The following NDC1 variants were observed in gnomAD, a reference collection of about 807,000 sequenced individuals.
The protein encoded by NDC1 is nucleoporin NDC1.
Under a neutral mutation model 89.8 loss-of-function variants are expected in NDC1, and 24 were observed. The ratio of observed to expected loss-of-function variants is 0.27; its 90% confidence interval spans 0.19 to 0.38. The LOEUF (loss-of-function observed/expected upper bound fraction) is 0.38. NDC1 is among the 10% of genes least tolerant of loss of function. NDC1 has a pLI of 1.00. For synonymous variants in NDC1, 296 were observed against 284.8 expected (o/e 1.04, Z -0.39); for missense variants, 728 against 797.6 (o/e 0.91, Z 1.05).
chr1:53,835,475 T>A, intron 2 of NDC1, 25 bp downstream of exon 2: 1 of 1,585,868 alleles, frequency 6.3e-7, no homozygotes, highest in Non-Finnish European at 8.5e-7. Context: ...CCTATAACTT[T>A]CTCCCCAAGT....
At chr1:53,795,458 C>T (rs930387455) in intron 13 of NDC1, among the ~76,000 whole-genome samples, 2 of 152,100 alleles carry the variant, frequency 1.3e-5, no homozygotes, top group African/African-American at 4.8e-5. Context: ...TGTCCAAAAT[C>T]AAACTCCTGA....
At position 53,807,706 on chromosome 1, in the gene NDC1, G is replaced by C. The variant is rs766036287; in HGVS notation, c.841C>G (p.Leu281Val). Residue 281 changes from leucine to valine, a missense_variant, in exon 8 of 18, where the codon CTG (leucine) becomes GTG (valine). Transcript: ENST00000371429. Reference sequence around the variant, plus strand: ...ATCCATGAGACATACCAAGTCGTCAGGAGAAAGACACCACACAGCCAGACA... The same window carrying C: ...ATCCATGAGACATACCAAGTCGTCACGAGAAAGACACCACACAGCCAGACA... Reference protein sequence around the residue: ...YHVWLCGVFLLTTWYVSWILF... With the variant: ...YHVWLCGVFLVTTWYVSWILF... The C allele has an allele frequency of 6.2e-7, 1 of 1,613,772 alleles. No individual in the cohort carries two copies. Among genetic ancestry groups the C allele is most frequent in the Non-Finnish European group, 8.5e-7 (1 of 1,179,710 alleles).
chr1:53,786,534 C>T (rs1647313993), intron 16 of NDC1, among the ~76,000 whole-genome samples: 1 of 152,176 alleles, frequency 6.6e-6, no homozygotes, highest in South Asian at 2.1e-4. Flanking sequence ...TTGGTAGCTA[C>T]AAATTGTGTA....
chr1:53,801,535 G>A (rs914166291), intron 10 of NDC1, among the ~76,000 whole-genome samples: 24 of 152,194 alleles, frequency 1.6e-4, no homozygotes, highest in African/African-American at 5.1e-4. Context: ...TCCATTATGC[G>A]TTAATAGCAG....
chr1:53,819,921 A>G (rs1648607869), intron 5 of NDC1, among the ~76,000 whole-genome samples: 1 of 152,082 alleles, frequency 6.6e-6, no homozygotes. Flanking sequence ...GACACATAAA[A>G]TACTAATGAT....
intron 6 of NDC1, among the ~76,000 whole-genome samples, chr1:53,810,634 A>G (rs984319574): frequency 3.3e-5 from 5 of 152,188 alleles, no homozygotes; most frequent in Non-Finnish European, 5.9e-5. Context: ...GCTGAGCGTG[A>G]TGGCTCATGC....
At chr1:53,837,685 TC>T (rs1649281982) in intron 1 of NDC1, among the ~76,000 whole-genome samples, 1 of 152,206 alleles carries the variant, frequency 6.6e-6, no homozygotes, top group Non-Finnish European at 1.5e-5. Flanking sequence ...TTCTCCTCTT[TC>T]TCTTTGCACT....
At chr1:53,807,240 C>T (rs1185159676) in intron 8 of NDC1, among the ~76,000 whole-genome samples, 1 of 108,778 alleles carries the variant, frequency 9.2e-6, no homozygotes, top group Admixed American at 9.6e-5. Context: ...GAGCGAGACC[C>T]TATCTCAAAA....
intron 4 of NDC1, 25 bp from the exon 5 acceptor site, chr1:53,825,961 AATT>A (rs1384889881): frequency 4.4e-6 from 7 of 1,608,428 alleles, no homozygotes; most frequent in Non-Finnish European, 5.9e-6. Flanking sequence ...TTAAGTTATT[AATT>A]CAACAGTCAG....
intron 15 of NDC1, among the ~76,000 whole-genome samples, chr1:53,788,552 C>T (rs1314405017): frequency 9.2e-5 from 14 of 152,130 alleles, no homozygotes; most frequent in East Asian, 5.8e-4. Flanking sequence ...CTCAGCCTCC[C>T]GAGTAGCTGG....
At chr1:53,821,510 T>C (rs999418989) in intron 5 of NDC1, among the ~76,000 whole-genome samples, 7 of 152,222 alleles carry the variant, frequency 4.6e-5, no homozygotes, top group Admixed American at 2.0e-4. Context: ...GCTTCAATTA[T>C]ATTGGTCTGT....
chr1:53,773,638 A>G (rs1647137567), intron 16 of NDC1, among the ~76,000 whole-genome samples: 1 of 152,174 alleles, frequency 6.6e-6, no homozygotes, highest in Non-Finnish European at 1.5e-5. Context: ...GGTCATCTGC[A>G]GGGACTTTTG....
At chr1:53,834,133 C>G (rs1649155224) in intron 2 of NDC1, among the ~76,000 whole-genome samples, 2 of 152,218 alleles carry the variant, frequency 1.3e-5, no homozygotes, top group Non-Finnish European at 1.5e-5. Context: ...CAATTAAACC[C>G]AAGCTTCTGA....
chr1:53,831,902 T>C lies in NDC1; in HGVS notation c.280+588A>G, dbSNP rs868741301. On this transcript the variant is annotated intron_variant, in intron 3 of 17. Coordinates refer to ENST00000371429, the MANE Select transcript of NDC1 (RefSeq NM_018087.5). Reference sequence around the variant, plus strand: ...ATAAGTTTTTTTTTAATCACAGTATTATAGATTATTATATTTGAAAAAAAA... The same window carrying C: ...ATAAGTTTTTTTTTAATCACAGTATCATAGATTATTATATTTGAAAAAAAA... Among the ~76,000 whole-genome samples, 3 of 152,082 alleles carry C rather than the reference T, an allele frequency of 2.0e-5. 1 individual carries two copies. The highest frequency in any genetic ancestry group is 6.8e-3 in the Middle Eastern group (2 of 294).
chr1:53,780,176 G>A (rs562350087), intron 16 of NDC1, among the ~76,000 whole-genome samples: 218 of 152,126 alleles, frequency 1.4e-3, no homozygotes, highest in Non-Finnish European at 2.3e-3. Context: ...AGGTTCAAGC[G>A]ATTCTCCCAC....
chr1:53,808,213 G>A (rs919145631), intron 7 of NDC1, among the ~76,000 whole-genome samples: 5 of 152,160 alleles, frequency 3.3e-5, no homozygotes, highest in East Asian at 1.9e-4. Flanking sequence ...ATTCATAGTC[G>A]TTAAAAGCAC....
At chr1:53,772,661 A>AATAACATAACATAACATAACATAAC (rs369123839) in intron 16 of NDC1, among the ~76,000 whole-genome samples, 172 bp from the exon 17 acceptor site, 25 of 137,846 alleles carry the variant, frequency 1.8e-4, no homozygotes, top group East Asian at 4.3e-4. Flanking sequence ...CCTGTCTCAA[A>AATAACATAACATAACATAACATAAC]ATAACATAAC....
At chr1:53,800,439 G>A (rs992678323) in intron 11 of NDC1, among the ~76,000 whole-genome samples, 1 of 138,812 alleles carries the variant, frequency 7.2e-6, no homozygotes, top group Non-Finnish European at 1.5e-5. Context: ...TGGTTCTCCT[G>A]CCTCAGCCTC....
At chr1:53,802,312 T>C (rs1647948981) in intron 10 of NDC1, among the ~76,000 whole-genome samples, 1 of 152,078 alleles carries the variant, frequency 6.6e-6, no homozygotes, top group African/African-American at 2.4e-5. Context: ...AGGTTTATTA[T>C]CTGGTATTTT....
Sources: allele counts gnomAD v4.1 joint callset (sites outside exome capture counted in the v4.1 genomes callset), GRCh38; gene constraint gnomAD v4.1.1; transcripts MANE v1.5; gene names NCBI Gene and HGNC (gene_info 2026-07-23, HGNC 2026-07-21).